GPC6: variants seen among roughly 807,000 people sequenced by gnomAD.
GPC6 encodes glypican-6.
A neutral mutation model predicts 55.2 loss-of-function variants in GPC6; 14 were observed. The ratio of observed to expected loss-of-function variants is 0.25; its 90% confidence interval spans 0.17 to 0.40. The LOEUF (loss-of-function observed/expected upper bound fraction) is 0.40, where lower values mean the gene tolerates loss of function less well. GPC6 is among the 10% of genes least tolerant of loss of function. The pLI is 1.00. For missense variants in GPC6, 641 were observed against 708.5 expected, an observed-to-expected ratio of 0.90 and a Z score of 1.08; for synonymous variants, 278 against 259.6, an observed-to-expected ratio of 1.07 and a Z score of -0.68.
intron 1 of GPC6, among the ~76,000 whole-genome samples, chr13:93,473,603 G>A (rs1879203921): frequency 6.6e-6 from 1 of 152,170 alleles, no homozygotes; most frequent in African/African-American, 2.4e-5. Context: ...GAGCATACAG[G>A]CAGCACCAGT....
At chr13:93,501,602 T>C (rs72640598) in intron 1 of GPC6, among the ~76,000 whole-genome samples, 1,523 of 152,252 alleles carry the variant, frequency 0.01, 6 homozygotes, top group Non-Finnish European at 0.015. Flanking sequence ...ACTGATAGAG[T>C]GCCTTCCAAA....
chr13:93,935,390 A>G (rs1878385202), intron 3 of GPC6, among the ~76,000 whole-genome samples: 1 of 152,154 alleles, frequency 6.6e-6, no homozygotes, highest in Non-Finnish European at 1.5e-5. Flanking sequence ...AATTCACTTA[A>G]GATAATGGCC....
At chr13:93,535,716 T>G (rs1431837802) in intron 1 of GPC6, among the ~76,000 whole-genome samples, 1 of 150,590 alleles carries the variant, frequency 6.6e-6, no homozygotes, top group African/African-American at 2.4e-5. Flanking sequence ...GCAGAACTGA[T>G]TTTCCTTAGC....
intron 2 of GPC6, among the ~76,000 whole-genome samples, chr13:93,563,161 T>C (rs566836520): frequency 2.4e-4 from 36 of 152,168 alleles, no homozygotes; most frequent in Non-Finnish European, 4.7e-4. Flanking sequence ...AGTCTTTGTT[T>C]TGGCATTCTC....
At chr13:93,355,467 T>G (rs1228523359) in intron 1 of GPC6, among the ~76,000 whole-genome samples, 8 of 152,286 alleles carry the variant, frequency 5.3e-5, no homozygotes, top group African/African-American at 1.7e-4. Context: ...AAATAGGGTT[T>G]GGGAGGTAAG....
At chr13:93,219,132 C>T in the GPC6 span, among the ~76,000 whole-genome samples, 36 of 145,188 alleles carry the variant, frequency 2.5e-4, no homozygotes, top group Non-Finnish European at 4.4e-4. Flanking sequence ...CTCACTCTGT[C>T]ACCCAGGCTG....
intron 1 of GPC6, among the ~76,000 whole-genome samples, chr13:93,410,295 A>G (rs1876446308): frequency 6.6e-6 from 1 of 152,192 alleles, no homozygotes; most frequent in African/African-American, 2.4e-5. Context: ...TTCAACTGTT[A>G]AATAAAAAGA....
chr13:94,261,671 A>G (rs941699780), intron 4 of GPC6, among the ~76,000 whole-genome samples: 6 of 152,224 alleles, frequency 3.9e-5, no homozygotes, highest in Admixed American at 1.3e-4. Flanking sequence ...CAAATAAACA[A>G]GAAGTGACCA....
At chr13:94,031,770 G>C (rs1883149791) in intron 4 of GPC6, among the ~76,000 whole-genome samples, 1 of 152,188 alleles carries the variant, frequency 6.6e-6, no homozygotes, top group Admixed American at 6.5e-5. Context: ...TGGTTATTTT[G>C]AGTGTTTGGC....
intron 1 of GPC6, among the ~76,000 whole-genome samples, chr13:93,305,494 G>A (rs1273364948): frequency 6.6e-6 from 1 of 152,130 alleles, no homozygotes; most frequent in Non-Finnish European, 1.5e-5. Flanking sequence ...GATAGAATTA[G>A]TGAGGGAGCT....
intron 1 of GPC6, among the ~76,000 whole-genome samples, chr13:93,388,389 C>G (rs1000325549): frequency 3.3e-5 from 5 of 152,142 alleles, no homozygotes; most frequent in African/African-American, 1.2e-4. Flanking sequence ...AAGTTCAATC[C>G]CTTGGGGGCT....
intron 2 of GPC6, among the ~76,000 whole-genome samples, chr13:93,679,253 A>G (rs915341170): frequency 9.2e-5 from 14 of 152,164 alleles, no homozygotes; most frequent in Admixed American, 6.6e-4. Flanking sequence ...GTAGATAAAT[A>G]TGCAATTTGA....
At chr13:94,158,047 T>A (rs1161104058) in intron 4 of GPC6, among the ~76,000 whole-genome samples, 1 of 152,124 alleles carries the variant, frequency 6.6e-6, no homozygotes, top group Non-Finnish European at 1.5e-5. Context: ...CAATATTGAG[T>A]TCACTGCCAA....
intron 1 of GPC6, among the ~76,000 whole-genome samples, chr13:93,364,620 A>G (rs1266286928): frequency 3.3e-5 from 5 of 151,820 alleles, no homozygotes; most frequent in African/African-American, 1.2e-4. Context: ...AATTATCTCT[A>G]AAACAATTTC....
intron 1 of GPC6, among the ~76,000 whole-genome samples, chr13:93,485,916 A>T (rs546252753): frequency 6.6e-6 from 1 of 152,186 alleles, no homozygotes; most frequent in African/African-American, 2.4e-5. Flanking sequence ...TTATATCAGC[A>T]AGATCATTAT....
chr13:93,469,429 T>C (rs1265689948), intron 1 of GPC6, among the ~76,000 whole-genome samples: 1 of 152,162 alleles, frequency 6.6e-6, no homozygotes, highest in African/African-American at 2.4e-5. Flanking sequence ...TTTTTCTCAA[T>C]CTGTTACCCC....
At chr13:94,115,190 A>G (rs1886392711) in intron 4 of GPC6, among the ~76,000 whole-genome samples, 1 of 152,186 alleles carries the variant, frequency 6.6e-6, no homozygotes, top group South Asian at 2.1e-4. Flanking sequence ...CATCCTCTCC[A>G]AGTACTTAGG....
chr13:93,638,331 T>C (rs1879781469), intron 2 of GPC6, among the ~76,000 whole-genome samples: 1 of 152,122 alleles, frequency 6.6e-6, no homozygotes, highest in Non-Finnish European at 1.5e-5. Flanking sequence ...TAAGGGCTGG[T>C]TAATTAACAA....
intron 1 of GPC6, among the ~76,000 whole-genome samples, chr13:93,397,422 C>G (rs933160301): frequency 6.6e-6 from 1 of 152,160 alleles, no homozygotes; most frequent in Non-Finnish European, 1.5e-5. Flanking sequence ...AACATTTTCT[C>G]AAGTGCTGAG....
Sources: gnomAD v4.1 joint callset for allele counts (sites outside exome capture counted in the v4.1 genomes callset) on GRCh38, gnomAD v4.1.1 for gene constraint, MANE v1.5 for transcripts, NCBI Gene and HGNC (gene_info 2026-07-23, HGNC 2026-07-21) for gene names.